The following GAB1 variants were observed in gnomAD, a reference collection of about 807,000 sequenced individuals.
The protein encoded by GAB1 is GRB2-associated-binding protein 1.
Under a neutral mutation model 66.5 loss-of-function variants are expected in GAB1, and 19 were observed. The observed-to-expected ratio is 0.29, with a 90% CI of 0.20 to 0.42. The LOEUF (loss-of-function observed/expected upper bound fraction) is 0.42. Ranked by LOEUF, GAB1 falls within the 10% of genes least tolerant of loss-of-function variation. The probability of loss-of-function intolerance (pLI) is 1.00; values close to 1 mark genes in which losing one functional copy is unlikely to be tolerated. For missense variants in GAB1, 732 were observed against 858.5 expected (o/e 0.85, Z 1.84); for synonymous variants, 294 against 301.4 (o/e 0.98, Z 0.25).
chr4:143,359,411 A>T (rs1729574346), intron 1 of GAB1, among the ~76,000 whole-genome samples: 1 of 152,196 alleles, frequency 6.6e-6, no homozygotes, highest in African/African-American at 2.4e-5. Context: ...ACCCAATATG[A>T]AAACAGTAAA....
intron 1 of GAB1, among the ~76,000 whole-genome samples, chr4:143,345,978 C>G (rs181925070): frequency 6.6e-6 from 1 of 152,134 alleles, no homozygotes; most frequent in African/African-American, 2.4e-5. Context: ...TCTCTTGCCT[C>G]GTTGTAGTTT....
intron 1 of GAB1, among the ~76,000 whole-genome samples, chr4:143,379,759 T>C (rs1302505427): frequency 6.6e-6 from 1 of 151,932 alleles, no homozygotes; most frequent in Non-Finnish European, 1.5e-5. Context: ...GCTAATTTTT[T>C]GTATGTTTTG....
intron 1 of GAB1, among the ~76,000 whole-genome samples, chr4:143,365,799 T>G (rs1729859709): frequency 6.6e-6 from 1 of 152,236 alleles, no homozygotes; most frequent in African/African-American, 2.4e-5. Context: ...TGAGTTCAAA[T>G]GAATCTACTT....
In GAB1 at chr4:143,474,178, AAAAT is replaced by A. The variant is rs2149808213; in HGVS notation, c.*4993_*4996del. 1 of 152,268 alleles carries A rather than the reference AAAAT, an allele frequency of 6.6e-6. No individual in the cohort carries two copies. Among genetic ancestry groups the A allele is most frequent in the African/African-American group, 2.4e-5 (1 of 41,554 alleles). 9.4% of individuals were successfully genotyped at this position (152,268 alleles called of 1,614,324 possible). On this transcript the variant is annotated 3_prime_UTR_variant, in exon 10 of 10. Coordinates refer to ENST00000262994, the MANE Select transcript of GAB1 (RefSeq NM_002039.4). Reference sequence around the variant, plus strand: ...ATTATACAAAATTACTATTTTTGATAAAATAAAGGAACACCTACAGAAAATTAAG... The same window carrying A: ...ATTATACAAAATTACTATTTTTGATAAAAGGAACACCTACAGAAAATTAAG...
At chr4:143,425,511 C>G in intron 2 of GAB1, 1 of 762,060 alleles carries the variant, frequency 1.3e-6, no homozygotes, top group Non-Finnish European at 2.4e-6. Context: ...TCCTCTGTGC[C>G]ATGTGGACAT....
intron 2 of GAB1, 52 bp from the exon 3 acceptor site, chr4:143,433,439 C>T: frequency 7.4e-7 from 1 of 1,356,006 alleles, no homozygotes; most frequent in South Asian, 1.2e-5. Context: ...CTTTGTTTTT[C>T]CAAAAATTGT....
chr4:143,338,553 G>T (rs1728730532), intron 1 of GAB1, among the ~76,000 whole-genome samples: 2 of 152,168 alleles, frequency 1.3e-5, no homozygotes, highest in African/African-American at 2.4e-5. Context: ...AAGACTCGAT[G>T]CCACAAATCA....
rs1734089037 is a variant in GAB1, at chr4:143,439,042, C to A, written c.1195+442C>A. 2.0e-5 allele frequency among the ~76,000 whole-genome samples: 3 copies of A among 152,164 alleles called. No individual in the cohort carries two copies. The South Asian group carries it at 6.2e-4, about 31-fold the overall frequency. On this transcript the variant is annotated intron_variant, in intron 4 of 9. Coordinates refer to ENST00000262994, the MANE Select transcript of GAB1 (RefSeq NM_002039.4). ...TATATAAGCAGTTTTTATGTTGTGT[C>A]TAACAGGTGATATTCTGTTCCAGTC...
chr4:143,389,364 T>C (rs1053899228), intron 1 of GAB1, among the ~76,000 whole-genome samples: 1 of 152,228 alleles, frequency 6.6e-6, no homozygotes, highest in Non-Finnish European at 1.5e-5. Flanking sequence ...AGCAGATGGA[T>C]GAGCATGAAT....
chr4:143,373,161 A>G (rs531289660), intron 1 of GAB1, among the ~76,000 whole-genome samples: 1 of 152,322 alleles, frequency 6.6e-6, no homozygotes, highest in East Asian at 1.9e-4. Context: ...TTATGTACAT[A>G]AATATGTTAC....
intron 2 of GAB1, among the ~76,000 whole-genome samples, chr4:143,418,621 T>C (rs1732833149): frequency 6.6e-6 from 1 of 152,218 alleles, no homozygotes; most frequent in African/African-American, 2.4e-5. Flanking sequence ...TTGTCTCTGT[T>C]GGTTGTCTGT....
At chr4:143,440,918 TA>T (rs1179006961) in intron 6 of GAB1, among the ~76,000 whole-genome samples, 4 of 152,250 alleles carry the variant, frequency 2.6e-5, no homozygotes, top group Non-Finnish European at 5.9e-5. Flanking sequence ...TGCTATTTAG[TA>T]ACCTCTTCTC....
chr4:143,398,674 GT>G (rs1415315387), intron 1 of GAB1, among the ~76,000 whole-genome samples: 1 of 151,416 alleles, frequency 6.6e-6, no homozygotes, highest in East Asian at 1.9e-4. Context: ...GGGTGAGGGG[GT>G]CATCTGATTG....
intron 2 of GAB1, among the ~76,000 whole-genome samples, chr4:143,416,131 C>T (rs1416220066): frequency 6.6e-5 from 10 of 152,170 alleles, no homozygotes; most frequent in South Asian, 2.1e-4. Flanking sequence ...TTTGGCCGGG[C>T]GCGGTGGCTC....
In GAB1 at chr4:143,466,160, G is replaced by A. The variant is rs754563304; in HGVS notation, c.1861G>A (p.Gly621Arg). The change falls in exon 9 of 10, where the codon GGA becomes AGA. Residue 621 changes from glycine (G) to arginine (R), a missense_variant. By Grantham distance (125) the Gly-to-Arg change is moderately radical. Around this residue, in one of 4 missense-constraint regions of GAB1, gnomAD observed 204 missense variants for 276.8 expected, o/e 0.74. Coordinates refer to ENST00000262994, the MANE Select transcript of GAB1 (RefSeq NM_002039.4). ...AAGCAGCCCTATGATCAAGCCCAAA[G>A]GAGACAAACAGGTGGAATACTTAGA... is the stretch of plus-strand genomic sequence containing the variant. ...GGSSPMIKPK[G>R]DKQVEYLDLD... is the part of the protein sequence containing the mutation. 6.2e-6 allele frequency: 10 copies of A among 1,613,730 alleles called. No homozygotes were observed. The highest frequency in any genetic ancestry group is 7.6e-6 in the Non-Finnish European group (9 of 1,179,822).
rs749679488 is a variant in GAB1, at chr4:143,337,273, G to C, written c.72+13G>C. 1 of 1,568,450 alleles carries C rather than the reference G, an allele frequency of 6.4e-7. No homozygotes were observed. The highest frequency in any genetic ancestry group is 1.9e-5 in the Admixed American group (1 of 52,450). ...GTTGAAGCGTTATGTAAGTAGAGCTGCGGGCACCACTCCGCGGGCCTCGGC... is the reference window on the plus strand; with the variant it reads ...GTTGAAGCGTTATGTAAGTAGAGCTCCGGGCACCACTCCGCGGGCCTCGGC... On this transcript the variant is annotated intron_variant, in intron 1 of 9. Coordinates refer to ENST00000262994, the MANE Select transcript of GAB1 (RefSeq NM_002039.4).
chr4:143,413,993 T>A (rs1463309806), intron 1 of GAB1, among the ~76,000 whole-genome samples: 1 of 151,916 alleles, frequency 6.6e-6, no homozygotes, highest in Non-Finnish European at 1.5e-5. Context: ...AGCTAATTTT[T>A]GTATTTTTTA....
At chr4:143,447,490 C>G (rs990307639) in intron 6 of GAB1, among the ~76,000 whole-genome samples, 5 of 152,132 alleles carry the variant, frequency 3.3e-5, no homozygotes, top group Admixed American at 1.3e-4. Flanking sequence ...GTTTGTAGTT[C>G]TCCTTGAAGA....
chr4:143,339,363 T>C (rs1728755779), intron 1 of GAB1, among the ~76,000 whole-genome samples: 1 of 152,176 alleles, frequency 6.6e-6, no homozygotes, highest in Admixed American at 6.5e-5. Flanking sequence ...ATACAAAAAA[T>C]AGCCGGGCGT....
Sources: allele counts gnomAD v4.1 joint callset (sites outside exome capture counted in the v4.1 genomes callset), GRCh38; gene constraint gnomAD v4.1.1; regional missense constraint gnomAD v4.1.1; transcripts MANE v1.5; gene names NCBI Gene and HGNC (gene_info 2026-07-23, HGNC 2026-07-21).